Variants in NLRP9 observed in about 807,000 individuals in gnomAD.
NLRP9 encodes the protein NACHT, LRR and PYD domains-containing protein 9.
NLRP9 carries 88 observed loss-of-function variants against 83.1 expected under a neutral mutation model. That is an observed-to-expected ratio of 1.06 (90% CI 0.89 to 1.26). The LOEUF (loss-of-function observed/expected upper bound fraction) is 1.26, where lower values mean the gene tolerates loss of function less well. Ranked by LOEUF, NLRP9 falls within the 50% of genes most tolerant of loss-of-function variation. NLRP9 has a pLI of 0.00. For missense variants in NLRP9, 1,308 were observed against 1,179.3 expected, an observed-to-expected ratio of 1.11 and a Z score of -1.60; for synonymous variants, 521 against 447.6, an observed-to-expected ratio of 1.16 and a Z score of -2.07.
chr19:55,735,737 A>C (rs1300486628), intron 1 of NLRP9, among the ~76,000 whole-genome samples: 1 of 152,094 alleles, frequency 6.6e-6, no homozygotes, highest in Non-Finnish European at 1.5e-5. Context: ...GCCCAGGCTA[A>C]AGTGCAGTGG....
chr19:55,713,606 C>T (rs1232704650), intron 6 of NLRP9, among the ~76,000 whole-genome samples: 3 of 83,350 alleles, frequency 3.6e-5, no homozygotes, highest in Non-Finnish European at 7.6e-5. Flanking sequence ...TCCTCTCCCT[C>T]CTCCCCTCTC....
chr19:55,733,090 C>T lies in NLRP9; in HGVS notation c.741G>A (p.Trp247Ter). The change falls in exon 2 of 9, where the codon TGG (tryptophan) becomes TGA (stop). Residue 247 changes from tryptophan to a stop codon, truncating the protein, a stop_gained. Coordinates refer to ENST00000332836, the MANE Select transcript of NLRP9 (RefSeq NM_176820.4). LOFTEE classifies it high-confidence loss of function. ...TAATTGGCATTGGCTGCCGCTGCCT[C>T]CAATCATCGCTCAAGTCAGCCTTAA... is the stretch of plus-strand genomic sequence containing the variant. ...LQLKADLSDD[W>*]RQRQPMPIIL... 6.2e-7 allele frequency: 1 copy of T among 1,613,990 alleles called. No individual in the cohort carries two copies. Among genetic ancestry groups the T allele is most frequent in the Non-Finnish European group, 8.5e-7 (1 of 1,179,930 alleles).
intron 1 of NLRP9, among the ~76,000 whole-genome samples, chr19:55,734,637 ATTT>A (rs201490500): frequency 0.011 from 1,192 of 106,982 alleles, 13 homozygotes; most frequent in African/African-American, 0.026. Context: ...ATATATATAT[ATTT>A]TTTTTTTTTT....
At chr19:55,737,398 T>C (rs968584605) in intron 1 of NLRP9, 3 of 152,310 alleles carry the variant, frequency 2.0e-5, no homozygotes, top group African/African-American at 4.8e-5. Context: ...CTGCTCCATA[T>C]GCGTCCGTCC....
At chr19:55,729,439 T>C (rs986919731) in intron 3 of NLRP9, among the ~76,000 whole-genome samples, 1 of 152,076 alleles carries the variant, frequency 6.6e-6, no homozygotes, top group African/African-American at 2.4e-5. Context: ...CCTGTGCCCA[T>C]GTGTTCTCAT....
Position 55,721,371 on chromosome 19 carries a change from C to T in NLRP9, c.2159+2609G>A, listed in dbSNP as rs142315894. On this transcript the variant is annotated intron_variant, in intron 4 of 8. Coordinates refer to ENST00000332836, the MANE Select transcript of NLRP9 (RefSeq NM_176820.4). ...TTTGTCATAAGGGTTTCCAGATACA[C>T]ACGAATTAAGGTGTGGTATCCATAA... 4.3e-3 allele frequency among the ~76,000 whole-genome samples: 655 copies of T among 152,258 alleles called. 2 individuals carry two copies. Among genetic ancestry groups the T allele is most frequent in the Non-Finnish European group, 6.8e-3 (460 of 68,028 alleles).
intron 4 of NLRP9, among the ~76,000 whole-genome samples, chr19:55,720,658 G>A (rs1187239528): frequency 6.6e-6 from 1 of 152,116 alleles, no homozygotes; most frequent in Non-Finnish European, 1.5e-5. Flanking sequence ...ACAAAAAGCA[G>A]CTGAACACGA....
chr19:55,730,179 T>A (rs1183600003), intron 2 of NLRP9, among the ~76,000 whole-genome samples, 187 bp from the exon 3 acceptor site: 2 of 151,990 alleles, frequency 1.3e-5, no homozygotes. Flanking sequence ...CCTGGCCAGG[T>A]AGAGTGGCTC....
rs1451423365 is a variant in NLRP9 at position 55,716,828 on chromosome 19, G to A, written c.2230C>T (p.Leu744=). ...TTTTCTACCAAGGAGAGGTGTTTCA[G>A]CTTGCTGTTGCAGGCCAGGACGGAG... is the stretch of plus-strand genomic sequence containing the variant. ...IASVLACNSK[L]KHLSLVENPL... Residue 744 remains leucine (L), a synonymous_variant, in exon 5 of 9, where the codon CTG becomes TTG. Coordinates refer to ENST00000332836, the MANE Select transcript of NLRP9 (RefSeq NM_176820.4). 4 of 1,613,732 alleles carry A rather than the reference G, an allele frequency of 2.5e-6. No individual in the cohort carries two copies. The highest frequency in any genetic ancestry group is 1.7e-5 in the Admixed American group (1 of 59,988).
chr19:55,712,664 T>C lies in NLRP9; in HGVS notation c.2502-74A>G. Reference sequence around the variant, plus strand: ...TAACAGCCCACCTTATTTTCATTTATTCATATGACGCAAGAAATACCCAAG... The same window carrying C: ...TAACAGCCCACCTTATTTTCATTTACTCATATGACGCAAGAAATACCCAAG... On this transcript the variant is annotated intron_variant, in intron 6 of 8. Transcript: ENST00000332836. The C allele has an allele frequency of 3.0e-6, 4 of 1,344,018 alleles. No individual in the cohort carries two copies. The South Asian group carries it at 3.7e-5, about 13-fold the overall frequency. The allele number at this position is 1,344,018 out of a possible 1,614,324, so 83.3% of individuals were successfully genotyped here.
intron 7 of NLRP9, 136 bp from the exon 8 acceptor site, chr19:55,712,106 T>C (rs562726670): frequency 2.4e-5 from 21 of 870,468 alleles, no homozygotes; most frequent in African/African-American, 1.9e-4. Flanking sequence ...GCCAGGACGA[T>C]TGTGCTCCTG....
chr19:55,714,938 A>C, intron 6 of NLRP9, 117 bp downstream of exon 6: 1 of 990,788 alleles, frequency 1.0e-6, no homozygotes, highest in Non-Finnish European at 1.5e-6. Context: ...CAACATACGA[A>C]TTTTGGGAGG....
At chr19:55,729,334 C>G (rs1455032586) in intron 3 of NLRP9, among the ~76,000 whole-genome samples, 1 of 151,586 alleles carries the variant, frequency 6.6e-6, no homozygotes, top group Non-Finnish European at 1.5e-5. Flanking sequence ...GTGCTGCACC[C>G]ATTAACTCGT....
intron 3 of NLRP9, among the ~76,000 whole-genome samples, chr19:55,729,050 CTTTTTTTTTT>C (rs374589373): frequency 8.5e-5 from 6 of 70,250 alleles, no homozygotes; most frequent in Admixed American, 4.2e-4. Flanking sequence ...TTTTCTTTTT[CTTTTTTTTTT>C]TTTTTTTTTT....
chr19:55,711,945 C>G lies in NLRP9; in HGVS notation c.2698G>C (p.Ala900Pro), dbSNP rs771472575. The change falls in exon 8 of 9, where the codon GCC (alanine) becomes CCC (proline). Residue 900 changes from alanine to proline, a missense_variant. Physicochemically the swap from Ala to Pro is conservative, Grantham distance 27. Transcript: ENST00000332836. ...LGLQTCPITR[A>P]CCDDIAAALI... ...GCTGCGGCGATGTCGTCGCAGCAGG[C>G]ACGGGTGATCGGACACGTTTGCAGC... is the stretch of plus-strand genomic sequence containing the variant. The G allele has an allele frequency of 1.9e-6, 3 of 1,613,020 alleles. No homozygotes were observed. In the South Asian group the frequency reaches 3.3e-5, roughly 18 times the overall value.
In NLRP9 at chr19:55,711,469, C is replaced by G. The variant is rs1420010519; in HGVS notation, c.2843+331G>C. The G allele has an allele frequency of 3.8e-6, 5 of 1,318,596 alleles. No homozygotes were observed. The Admixed American group carries it at 1.1e-4, about 30-fold the overall frequency. The allele number at this position is 1,318,596 out of a possible 1,614,324, so 81.7% of individuals were successfully genotyped here. ...TGAGCTGGCGTTGCATATTTATGGG[C>G]AACGTAAGTAGAAGATGTTTTATAG... On this transcript the variant is annotated intron_variant, in intron 8 of 8. Transcript: ENST00000332836.
intron 1 of NLRP9, among the ~76,000 whole-genome samples, chr19:55,734,767 T>C (rs1196323328): frequency 6.6e-6 from 1 of 151,884 alleles, no homozygotes; most frequent in Non-Finnish European, 1.5e-5. Flanking sequence ...CCCAAGTAGC[T>C]GGGATTACAG....
intron 3 of NLRP9, among the ~76,000 whole-genome samples, chr19:55,725,012 T>C (rs1201666988): frequency 6.6e-6 from 1 of 152,028 alleles, no homozygotes; most frequent in African/African-American, 2.4e-5. Flanking sequence ...TGAGCCGAGA[T>C]GGTGCCACTG....
At chr19:55,718,451 C>A (rs1261324157) in intron 4 of NLRP9, among the ~76,000 whole-genome samples, 1 of 152,202 alleles carries the variant, frequency 6.6e-6, no homozygotes, top group Non-Finnish European at 1.5e-5. Context: ...TCATTCCATT[C>A]TGAGATAGGA....
Sources: allele counts gnomAD v4.1 joint callset (sites outside exome capture counted in the v4.1 genomes callset), GRCh38; gene constraint gnomAD v4.1.1; transcripts MANE v1.5; gene names NCBI Gene and HGNC (gene_info 2026-07-23, HGNC 2026-07-21).